The following KCNIP1 variants were observed in gnomAD, a reference collection of about 807,000 sequenced individuals.
The protein encoded by KCNIP1 is A-type potassium channel modulatory protein KCNIP1.
Under a neutral mutation model 33.0 loss-of-function variants are expected in KCNIP1, and 18 were observed. That is an observed-to-expected ratio of 0.55 (90% CI 0.38 to 0.81). The LOEUF is 0.81. Among genes scored for constraint, KCNIP1 ranks in the 30% least tolerant of loss-of-function variants. The pLI is 0.00. For missense variants in KCNIP1, 238 were observed against 271.6 expected (o/e 0.88, Z 0.87); for synonymous variants, 93 against 98.3 (o/e 0.95, Z 0.32).
intron 1 of KCNIP1, among the ~76,000 whole-genome samples, chr5:170,706,011 T>C (rs1056575255): frequency 6.6e-6 from 1 of 152,136 alleles, no homozygotes; most frequent in Non-Finnish European, 1.5e-5. Context: ...ACCATATACC[T>C]CCTAGGGGCA....
At chr5:170,416,290 A>G (rs534521299) in intron 1 of KCNIP1, among the ~76,000 whole-genome samples, 1 of 152,234 alleles carries the variant, frequency 6.6e-6, no homozygotes, top group East Asian at 1.9e-4. Flanking sequence ...CAACGCTATG[A>G]GGGCAGCTCA....
At chr5:170,522,462 T>A (rs1194233729) in intron 1 of KCNIP1, among the ~76,000 whole-genome samples, 1 of 152,218 alleles carries the variant, frequency 6.6e-6, no homozygotes, top group Non-Finnish European at 1.5e-5. Flanking sequence ...TGCATGGCAG[T>A]TGCATTTCTC....
At chr5:170,640,412 A>T (rs536587729) in intron 1 of KCNIP1, among the ~76,000 whole-genome samples, 3 of 152,300 alleles carry the variant, frequency 2.0e-5, no homozygotes, top group African/African-American at 7.2e-5. Context: ...ACAAGTTTGC[A>T]CCTGGAGCCG....
At chr5:170,605,262 C>T (rs931007912) in intron 1 of KCNIP1, among the ~76,000 whole-genome samples, 6 of 152,164 alleles carry the variant, frequency 3.9e-5, no homozygotes, top group Non-Finnish European at 5.9e-5. Flanking sequence ...CTCACTATGA[C>T]GGCTGGTCTG....
At chr5:170,407,108 A>C (rs1057092572) in intron 1 of KCNIP1, among the ~76,000 whole-genome samples, 1 of 152,210 alleles carries the variant, frequency 6.6e-6, no homozygotes, top group Non-Finnish European at 1.5e-5. Flanking sequence ...GAAACAGCCT[A>C]GGGTCTGTGG....
chr5:170,610,244 G>A (rs1258631495), intron 1 of KCNIP1, among the ~76,000 whole-genome samples: 1 of 152,174 alleles, frequency 6.6e-6, no homozygotes, highest in African/African-American at 2.4e-5. Flanking sequence ...ACTTATGTTA[G>A]AATAAATACA....
At chr5:170,441,778 C>T (rs941258439) in intron 1 of KCNIP1, among the ~76,000 whole-genome samples, 2 of 151,744 alleles carry the variant, frequency 1.3e-5, no homozygotes, top group Admixed American at 6.6e-5. Flanking sequence ...AGTGAAGCCC[C>T]GTCTGTACTA....
At chr5:170,355,331 A>T (rs1345741409) in intron 1 of KCNIP1, among the ~76,000 whole-genome samples, 2 of 152,204 alleles carry the variant, frequency 1.3e-5, no homozygotes, top group African/African-American at 4.8e-5. Context: ...CTGGAGAAGG[A>T]GAAAGCAAAG....
intron 1 of KCNIP1, among the ~76,000 whole-genome samples, chr5:170,454,511 C>T (rs566004277): frequency 2.0e-5 from 3 of 152,258 alleles, no homozygotes; most frequent in African/African-American, 2.4e-5. Context: ...TCAGGAGATA[C>T]CTGATGCCCA....
intron 1 of KCNIP1, among the ~76,000 whole-genome samples, chr5:170,657,564 A>G (rs985511769): frequency 6.6e-6 from 1 of 152,038 alleles, no homozygotes; most frequent in Non-Finnish European, 1.5e-5. Flanking sequence ...ACCCTTTCCC[A>G]AGGATAGACA....
At chr5:170,531,517 C>A (rs1439528653) in intron 1 of KCNIP1, among the ~76,000 whole-genome samples, 1 of 152,204 alleles carries the variant, frequency 6.6e-6, no homozygotes, top group East Asian at 1.9e-4. Context: ...CATCCCCGGG[C>A]AAGCCCACCA....
At chr5:170,590,628 C>G (rs77699604) in intron 1 of KCNIP1, among the ~76,000 whole-genome samples, 4,872 of 152,286 alleles carry the variant, frequency 0.032, 130 homozygotes, top group Non-Finnish European at 0.05. Context: ...TACCTCACCA[C>G]CTAACTGGGG....
intron 1 of KCNIP1, among the ~76,000 whole-genome samples, chr5:170,367,350 AAAG>A (rs1763693609): frequency 1.8e-4 from 3 of 16,712 alleles, no homozygotes; most frequent in Admixed American, 6.6e-4. Flanking sequence ...AAGGAAAGAA[AAAG>A]AAAGAAAGAA....
At chr5:170,511,954 A>T (rs955364607) in intron 1 of KCNIP1, among the ~76,000 whole-genome samples, 5 of 152,212 alleles carry the variant, frequency 3.3e-5, no homozygotes, top group African/African-American at 7.2e-5. Flanking sequence ...GAAGCACCTC[A>T]TTAGCCACAC....
chr5:170,486,381 C>CA (rs1757095306), intron 1 of KCNIP1: 1 of 152,302 alleles, frequency 6.6e-6, no homozygotes, highest in Admixed American at 6.5e-5. Context: ...CAGCCGCAGA[C>CA]ACCACCCAAC....
chr5:170,403,218 A>G (rs1186655614), intron 1 of KCNIP1, among the ~76,000 whole-genome samples: 1 of 152,198 alleles, frequency 6.6e-6, no homozygotes, highest in African/African-American at 2.4e-5. Context: ...GGAGGGGGTG[A>G]CAGAAAGATA....
intron 1 of KCNIP1, among the ~76,000 whole-genome samples, chr5:170,359,768 G>A (rs888478006): frequency 1.3e-5 from 2 of 152,088 alleles, no homozygotes; most frequent in Admixed American, 6.5e-5. Context: ...TCTGCAGCAG[G>A]CCCAGCATTC....
chr5:170,735,204 T>C (rs1479423655), intron 7 of KCNIP1, among the ~76,000 whole-genome samples: 1 of 152,264 alleles, frequency 6.6e-6, no homozygotes, highest in African/African-American at 2.4e-5. Context: ...TGTATGTCTC[T>C]ATTGCATGTT....
At chr5:170,530,698 G>A (rs549247691) in intron 1 of KCNIP1, among the ~76,000 whole-genome samples, 5 of 152,288 alleles carry the variant, frequency 3.3e-5, no homozygotes, top group East Asian at 3.9e-4. Flanking sequence ...TTCCAGCCAC[G>A]CTTGCATCCA....
Sources: gnomAD v4.1 joint callset for allele counts (sites outside exome capture counted in the v4.1 genomes callset) on GRCh38, gnomAD v4.1.1 for gene constraint, MANE v1.5 for transcripts, NCBI Gene and HGNC (gene_info 2026-07-23, HGNC 2026-07-21) for gene names.